Variants in NELL1 observed in about 807,000 individuals in gnomAD.
NELL1 encodes the protein protein kinase C-binding protein NELL1.
In NELL1, 76 loss-of-function variants were observed where a neutral mutation model predicts 107.4. The ratio of observed to expected loss-of-function variants is 0.71; its 90% confidence interval spans 0.59 to 0.86. The LOEUF is 0.86. Among genes scored for constraint, NELL1 ranks in the 40% least tolerant of loss-of-function variants. NELL1 has a pLI of 0.00. For missense variants in NELL1, 1,024 were observed against 1,005.5 expected, an observed-to-expected ratio of 1.02 and a Z score of -0.25; for synonymous variants, 353 against 341.2, an observed-to-expected ratio of 1.03 and a Z score of -0.38.
chr11:21,072,523 G>A (rs1477603348), intron 12 of NELL1, among the ~76,000 whole-genome samples: 1 of 152,134 alleles, frequency 6.6e-6, no homozygotes, highest in Admixed American at 6.6e-5. Flanking sequence ...CATGCTGCAA[G>A]TTCTTGGCAT....
intron 13 of NELL1, among the ~76,000 whole-genome samples, chr11:21,161,492 A>G (rs943113722): frequency 2.6e-5 from 4 of 152,128 alleles, no homozygotes; most frequent in Non-Finnish European, 5.9e-5. Flanking sequence ...AGCCGAGATC[A>G]TGCCACTGCA....
chr11:20,930,916 G>T (rs1002581911), intron 9 of NELL1, among the ~76,000 whole-genome samples: 2 of 151,120 alleles, frequency 1.3e-5, no homozygotes, highest in African/African-American at 4.9e-5. Flanking sequence ...TAATAAAGTG[G>T]GAATACAAAT....
chr11:20,887,886 C>T lies in NELL1; in HGVS notation c.603+2346C>T, dbSNP rs60064981. On this transcript the variant is annotated intron_variant, in intron 5 of 19. Transcript: ENST00000357134. ...TAAAATAGGAGCTCTAAAGCCATCA[C>T]GAATGACAGTGGAAAGAAACAAAAA... 1.2e-3 allele frequency among the ~76,000 whole-genome samples: 184 copies of T among 152,086 alleles called. 2 individuals are homozygous for T. The highest frequency in any genetic ancestry group is 3.9e-3 in the African/African-American group (162 of 41,502).
chr11:21,207,099 T>C (rs935743685), intron 13 of NELL1, among the ~76,000 whole-genome samples: 4 of 152,212 alleles, frequency 2.6e-5, no homozygotes, highest in Non-Finnish European at 4.4e-5. Flanking sequence ...CTTGAAACAT[T>C]GGACCACAGT....
At chr11:20,871,055 G>T (rs1211645500) in intron 4 of NELL1, among the ~76,000 whole-genome samples, 1 of 152,152 alleles carries the variant, frequency 6.6e-6, no homozygotes, top group Non-Finnish European at 1.5e-5. Context: ...AGTAAAAAAA[G>T]CACCGCTTGG....
chr11:20,743,631 C>A (rs940054191), intron 2 of NELL1, among the ~76,000 whole-genome samples: 3 of 152,148 alleles, frequency 2.0e-5, no homozygotes, highest in African/African-American at 7.2e-5. Flanking sequence ...TTTCCTCTTA[C>A]CCCACAGACC....
chr11:20,941,520 C>A lies in NELL1; in HGVS notation c.1071+3661C>A, dbSNP rs1234698036. On this transcript the variant is annotated intron_variant, in intron 10 of 19. Coordinates refer to ENST00000357134, the MANE Select transcript of NELL1 (RefSeq NM_006157.5). ...AGAACATAACTTGAGATTATTACTT[C>A]CTCCTACATGATATTTTTTTTTCTC... Among the ~76,000 whole-genome samples, 3 of 151,848 alleles carry A rather than the reference C, an allele frequency of 2.0e-5. No individual in the cohort carries two copies. In the East Asian group the frequency reaches 5.9e-4, roughly 30 times the overall value.
At chr11:21,455,831 C>G (rs554438817) in intron 15 of NELL1, among the ~76,000 whole-genome samples, 1 of 151,264 alleles carries the variant, frequency 6.6e-6, no homozygotes, top group South Asian at 2.1e-4. Flanking sequence ...TTTTTTGACC[C>G]CCTTTTACTT....
chr11:21,298,782 AAAC>A (rs1166841635), intron 14 of NELL1, among the ~76,000 whole-genome samples: 1 of 152,014 alleles, frequency 6.6e-6, no homozygotes, highest in Non-Finnish European at 1.5e-5. Context: ...TCAAGTAAAT[AAAC>A]AGCAGCAGCA....
intron 13 of NELL1, among the ~76,000 whole-genome samples, chr11:21,204,854 T>A (rs57781654): frequency 0.082 from 12,531 of 152,168 alleles, 823 homozygotes; most frequent in East Asian, 0.27. Context: ...TTAATTTTCC[T>A]TCTAACAGGC....
At chr11:21,534,563 G>C in intron 16 of NELL1, 49 bp downstream of exon 16, 2 of 1,601,190 alleles carry the variant, frequency 1.2e-6, no homozygotes, top group Non-Finnish European at 1.7e-6. Flanking sequence ...CTTTGCAGGA[G>C]GTGTGGCTTG....
At chr11:20,912,609 G>A (rs1850156358) in intron 5 of NELL1, among the ~76,000 whole-genome samples, 2 of 152,096 alleles carry the variant, frequency 1.3e-5, no homozygotes, top group Non-Finnish European at 1.5e-5. Flanking sequence ...TTTCACAGAG[G>A]CCAAGGCTCT....
chr11:20,823,109 C>T (rs1857796429), intron 3 of NELL1, among the ~76,000 whole-genome samples: 1 of 151,482 alleles, frequency 6.6e-6, no homozygotes, highest in African/African-American at 2.4e-5. Flanking sequence ...TAAAGGCATA[C>T]CTGAGACTGG....
chr11:20,937,837 C>T lies in NELL1; in HGVS notation c.1049C>T (p.Thr350Ile). The change falls in exon 10 of 20, where the codon ACC becomes ATC. Residue 350 changes from threonine (T) to isoleucine (I), a missense_variant. Thr to Ile is a moderately conservative substitution (Grantham distance 89). Coordinates refer to ENST00000357134, the MANE Select transcript of NELL1 (RefSeq NM_006157.5). Reference sequence around the variant, plus strand: ...CTTGCAGAAGGCCAGCGGATTTTAACCAAGAGCTGTCGGGAATGCCGAGTA... The same window carrying T: ...CTTGCAGAAGGCCAGCGGATTTTAATCAAGAGCTGTCGGGAATGCCGAGTA... ...KVLAEGQRILTKSCRECRGGV... is the reference protein window; with the variant it reads ...KVLAEGQRILIKSCRECRGGV... The T allele has an allele frequency of 6.2e-7, 1 of 1,614,028 alleles. No individual in the cohort carries two copies. Among genetic ancestry groups the T allele is most frequent in the Non-Finnish European group, 8.5e-7 (1 of 1,179,914 alleles).
chr11:20,937,009 T>C (rs1387764187), intron 9 of NELL1, among the ~76,000 whole-genome samples: 1 of 123,954 alleles, frequency 8.1e-6, no homozygotes, highest in East Asian at 3.7e-4. Flanking sequence ...TACTTGCTTC[T>C]TTTTTTCCTG....
chr11:21,335,762 T>C (rs948353420), intron 14 of NELL1, among the ~76,000 whole-genome samples: 6 of 152,100 alleles, frequency 3.9e-5, no homozygotes, highest in Non-Finnish European at 7.4e-5. Flanking sequence ...CAAGCCATTA[T>C]GTTTTGTATA....
At position 21,436,715 on chromosome 11, in the gene NELL1, G is replaced by A. The variant is rs543866831; in HGVS notation, c.1645+65767G>A. 7.2e-5 allele frequency among the ~76,000 whole-genome samples: 11 copies of A among 152,112 alleles called. No individual in the cohort carries two copies. The East Asian group carries it at 2.1e-3, about 29-fold the overall frequency. On this transcript the variant is annotated intron_variant, in intron 15 of 19. Transcript: ENST00000357134. The stretch of plus-strand genomic sequence containing the variant: ...TCTTGCTTTTCTGGTTCCTTGAGGT[G>A]CATTGCTAGGTTATTTGAAATCTTT...
At chr11:21,260,824 A>T (rs796632233) in intron 14 of NELL1, 6 of 152,028 alleles carry the variant, frequency 3.9e-5, no homozygotes, top group African/African-American at 1.4e-4. Flanking sequence ...GAGCTCACAA[A>T]ATATGAAGAC....
chr11:21,117,022 CAT>C (rs1332424840), intron 13 of NELL1, among the ~76,000 whole-genome samples: 12 of 151,856 alleles, frequency 7.9e-5, no homozygotes, highest in African/African-American at 2.9e-4. Context: ...TTTCCTTGTC[CAT>C]TATGACATGG....
Sources: gnomAD v4.1 joint callset for allele counts (sites outside exome capture counted in the v4.1 genomes callset) on GRCh38, gnomAD v4.1.1 for gene constraint, MANE v1.5 for transcripts, NCBI Gene and HGNC (gene_info 2026-07-23, HGNC 2026-07-21) for gene names.